GGNBP2: variants seen among roughly 807,000 people sequenced by gnomAD.
GGNBP2 encodes gametogenetin binding protein 2.
A neutral mutation model predicts 85.9 loss-of-function variants in GGNBP2; 10 were observed. That is an observed-to-expected ratio of 0.12 (90% CI 0.07 to 0.20). The LOEUF (loss-of-function observed/expected upper bound fraction) is 0.20. Among genes scored for constraint, GGNBP2 ranks in the 10% least tolerant of loss-of-function variants. The pLI is 1.00. For synonymous variants in GGNBP2, 287 were observed against 285.7 expected (o/e 1.00, Z -0.05); for missense variants, 595 against 857.8 (o/e 0.69, Z 3.83).
At position 36,557,383 on chromosome 17, in the gene GGNBP2, C is replaced by T. The variant is rs374635395; in HGVS notation, c.428+47C>T. 5.3e-5 allele frequency: 80 copies of T among 1,508,662 alleles called. No homozygotes were observed. In the African/African-American group the frequency reaches 1.0e-3, roughly 20 times the overall value. The allele number at this position is 1,508,662 out of a possible 1,614,324, so 93.5% of individuals were successfully genotyped here. The stretch of plus-strand genomic sequence containing the variant: ...AAAATGGGTTTGTTAAAATTTAAAA[C>T]AGCTTGGTGACAGTGGCAGCTTATT... On this transcript the variant is annotated intron_variant, in intron 4 of 13. Transcript: ENST00000613102.
intron 3 of GGNBP2, 115 bp from the exon 4 acceptor site, chr17:36,556,968 T>C: frequency 8.3e-7 from 1 of 1,205,648 alleles, no homozygotes; most frequent in Admixed American, 1.8e-5. Flanking sequence ...CAGGTAGAGC[T>C]GGTAAACCCT....
At chr17:36,549,123 G>C (rs2074283870) in intron 2 of GGNBP2, among the ~76,000 whole-genome samples, 1 of 152,148 alleles carries the variant, frequency 6.6e-6, no homozygotes, top group South Asian at 2.1e-4. Flanking sequence ...TTATACTCTG[G>C]CTAAAATGTT....
chr17:36,548,984 G>A (rs1400566267), intron 2 of GGNBP2, among the ~76,000 whole-genome samples: 1 of 152,060 alleles, frequency 6.6e-6, no homozygotes, highest in Non-Finnish European at 1.5e-5. Context: ...GATATGTTGT[G>A]TCCATGTTTA....
chr17:36,560,553 T>C (rs947415136), intron 4 of GGNBP2, among the ~76,000 whole-genome samples: 1 of 152,124 alleles, frequency 6.6e-6, no homozygotes, highest in Admixed American at 6.6e-5. Flanking sequence ...AACTGGTGTA[T>C]TTACATAATG....
At chr17:36,547,009 GTT>G (rs1193682021) in intron 2 of GGNBP2, 2 of 152,108 alleles carry the variant, frequency 1.3e-5, no homozygotes, top group African/African-American at 4.8e-5. Context: ...TTTATTAGAA[GTT>G]TTTAAGTGAC....
chr17:36,551,966 C>A (rs1412360556), intron 2 of GGNBP2, among the ~76,000 whole-genome samples: 1 of 152,148 alleles, frequency 6.6e-6, no homozygotes, highest in East Asian at 1.9e-4. Flanking sequence ...TGCCTAAGAA[C>A]CAGACTGGAG....
At chr17:36,568,208 G>A (rs907157608) in intron 6 of GGNBP2, among the ~76,000 whole-genome samples, 11 of 152,154 alleles carry the variant, frequency 7.2e-5, no homozygotes, top group African/African-American at 2.7e-4. Flanking sequence ...ACAGGCATGA[G>A]CCACTGCGCT....
At chr17:36,554,954 C>A in intron 3 of GGNBP2, 54 bp downstream of exon 3, 1 of 1,070,968 alleles carries the variant, frequency 9.3e-7, no homozygotes, top group Non-Finnish European at 1.4e-6. Flanking sequence ...TTTAAAGACT[C>A]ATTTAAAATT....
intron 6 of GGNBP2, among the ~76,000 whole-genome samples, chr17:36,571,379 G>A (rs1045317557): frequency 4.0e-5 from 6 of 151,886 alleles, no homozygotes; most frequent in South Asian, 2.1e-4. Flanking sequence ...GTGATACCCC[G>A]TCTCTACTAA....
intron 5 of GGNBP2, among the ~76,000 whole-genome samples, chr17:36,562,522 A>ATT (rs374250202): frequency 4.5e-5 from 6 of 132,440 alleles, no homozygotes; most frequent in South Asian, 2.4e-4. Context: ...CCTTTTTTTG[A>ATT]TTTTTTTTTT....
At chr17:36,547,287 A>T (rs1033153988) in intron 2 of GGNBP2, 1 of 152,214 alleles carries the variant, frequency 6.6e-6, no homozygotes, top group African/African-American at 2.4e-5. Flanking sequence ...CCCTGCTAAC[A>T]TAAACACTTT....
rs1449569143 is a variant in GGNBP2 at position 36,545,885 on chromosome 17, C to A, written c.93+68C>A. The stretch of plus-strand genomic sequence containing the variant: ...GCTGTTTCCCCTCCTCCCCCTCCCC[C>A]AGGCCGAGCGCTGCGCACTGGAGAA... On this transcript the variant is annotated intron_variant, in intron 2 of 13. Coordinates refer to ENST00000613102, the MANE Select transcript of GGNBP2 (RefSeq NM_024835.5). 1.3e-5 allele frequency: 15 copies of A among 1,133,990 alleles called. No individual in the cohort carries two copies. In the East Asian group the frequency reaches 3.4e-4, roughly 26 times the overall value. 70.2% of individuals were successfully genotyped at this position (1,133,990 alleles called of 1,614,324 possible). A position where few individuals can be genotyped will look rare whatever the true frequency, so the allele number is the denominator to read the frequency against.
intron 13 of GGNBP2, among the ~76,000 whole-genome samples, chr17:36,588,151 C>T (rs539668687): frequency 9.2e-5 from 14 of 152,342 alleles, no homozygotes; most frequent in African/African-American, 3.4e-4. Flanking sequence ...TGATCCCCAA[C>T]TGACCCAGTG....
At chr17:36,564,069 T>TC (rs1384201276) in intron 5 of GGNBP2, among the ~76,000 whole-genome samples, 1 of 152,180 alleles carries the variant, frequency 6.6e-6, no homozygotes. Flanking sequence ...CTTTTAAAAA[T>TC]TTTTTATTTT....
chr17:36,545,965 C>T (rs540496276), intron 2 of GGNBP2, 148 bp downstream of exon 2: 1 of 602,108 alleles, frequency 1.7e-6, no homozygotes, highest in South Asian at 2.1e-5. Flanking sequence ...CCCACAAACT[C>T]GCCTTTGCAG....
intron 6 of GGNBP2, among the ~76,000 whole-genome samples, chr17:36,568,603 A>G (rs2074491654): frequency 6.6e-6 from 1 of 152,164 alleles, no homozygotes; most frequent in South Asian, 2.1e-4. Context: ...CTATAATGGC[A>G]TTTTCAAAAT....
At chr17:36,567,285 T>G (rs552570091) in intron 5 of GGNBP2, among the ~76,000 whole-genome samples, 2 of 152,306 alleles carry the variant, frequency 1.3e-5, no homozygotes, top group African/African-American at 4.8e-5. Flanking sequence ...AGCACACATT[T>G]AAATGAACGT....
intron 4 of GGNBP2, among the ~76,000 whole-genome samples, chr17:36,559,306 A>G (rs947015486): frequency 6.6e-6 from 1 of 150,534 alleles, no homozygotes; most frequent in African/African-American, 2.4e-5. Flanking sequence ...CAAAAAAAAA[A>G]AAAAAAAAAA....
chr17:36,589,454 A>G lies in GGNBP2; in HGVS notation c.*43A>G. 2 of 1,437,460 alleles carry G rather than the reference A, an allele frequency of 1.4e-6. No homozygotes were observed. The highest frequency in any genetic ancestry group is 1.9e-6 in the Non-Finnish European group (2 of 1,031,284). 89.0% of individuals were successfully genotyped at this position (1,437,460 alleles called of 1,614,324 possible). Reference sequence around the variant, plus strand: ...GTCTTTCAATGAAACACTCACGATGACTACTGCGCCTTCTCTTTCGAAAAA... The same window carrying G: ...GTCTTTCAATGAAACACTCACGATGGCTACTGCGCCTTCTCTTTCGAAAAA... On this transcript the variant is annotated 3_prime_UTR_variant, in exon 14 of 14. Transcript: ENST00000613102.
Sources: allele counts gnomAD v4.1 joint callset (sites outside exome capture counted in the v4.1 genomes callset), GRCh38; gene constraint gnomAD v4.1.1; transcripts MANE v1.5; gene names NCBI Gene and HGNC (gene_info 2026-07-23, HGNC 2026-07-21).